The following CACNB2 variants were observed in gnomAD, a reference collection of about 807,000 sequenced individuals.
The protein encoded by CACNB2 is voltage-dependent L-type calcium channel subunit beta-2.
CACNB2 carries 42 observed loss-of-function variants against 73.3 expected under a neutral mutation model. That is an observed-to-expected ratio of 0.57 (90% CI 0.45 to 0.74). The LOEUF is 0.74. CACNB2 is among the 30% of genes least tolerant of loss of function. CACNB2 has a pLI of 0.00. For missense variants in CACNB2, 940 were observed against 853.0 expected, an observed-to-expected ratio of 1.10 and a Z score of -1.27; for synonymous variants, 348 against 310.3, an observed-to-expected ratio of 1.12 and a Z score of -1.28.
At chr10:18,306,437 A>G (rs1297542337) in intron 2 of CACNB2, among the ~76,000 whole-genome samples, 1 of 152,212 alleles carries the variant, frequency 6.6e-6, no homozygotes, top group Non-Finnish European at 1.5e-5. Context: ...GTGGTTAATG[A>G]CAAAAGATTT....
intron 2 of CACNB2, among the ~76,000 whole-genome samples, chr10:18,210,567 C>G (rs1481908860): frequency 6.6e-6 from 1 of 152,102 alleles, no homozygotes. Flanking sequence ...GGTTCTGCCA[C>G]TCTCCACCTG....
chr10:18,485,310 G>A (rs898273722), intron 3 of CACNB2, among the ~76,000 whole-genome samples: 2 of 152,126 alleles, frequency 1.3e-5, no homozygotes, highest in Non-Finnish European at 2.9e-5. Context: ...TAACTAGAAA[G>A]TAAGATATCA....
intron 5 of CACNB2, among the ~76,000 whole-genome samples, chr10:18,502,321 C>T (rs1377740684): frequency 6.9e-6 from 1 of 144,044 alleles, no homozygotes; most frequent in Admixed American, 6.9e-5. Flanking sequence ...AAAAAAAGAA[C>T]AAGATCATGT....
intron 2 of CACNB2, among the ~76,000 whole-genome samples, chr10:18,342,883 T>G (rs2041290712): frequency 6.6e-6 from 1 of 152,178 alleles, no homozygotes; most frequent in East Asian, 1.9e-4. Flanking sequence ...ATGGGATAGT[T>G]GTTTAGAATG....
chr10:18,489,461 A>G, intron 3 of CACNB2, among the ~76,000 whole-genome samples: 1 of 143,512 alleles, frequency 7.0e-6, no homozygotes. Context: ...TTTTTTTCAG[A>G]GAAAGGATCT....
chr10:18,339,507 C>G (rs1289076581), intron 2 of CACNB2, among the ~76,000 whole-genome samples: 2 of 152,076 alleles, frequency 1.3e-5, no homozygotes, highest in Non-Finnish European at 2.9e-5. Context: ...GGCAACACAG[C>G]AAGACTCCAT....
At chr10:18,434,745 C>T (rs550447369) in intron 3 of CACNB2, among the ~76,000 whole-genome samples, 3 of 152,072 alleles carry the variant, frequency 2.0e-5, no homozygotes, top group Admixed American at 2.0e-4. Flanking sequence ...GCTTGTATAG[C>T]TTATGCCTAA....
chr10:18,280,341 A>G (rs901539508), intron 2 of CACNB2, among the ~76,000 whole-genome samples: 2 of 152,192 alleles, frequency 1.3e-5, no homozygotes, highest in South Asian at 4.1e-4. Context: ...TATGAGCACT[A>G]TAAGAATCTT....
At chr10:18,341,096 T>C (rs1238019726) in intron 2 of CACNB2, 1 of 1,049,628 alleles carries the variant, frequency 9.5e-7, no homozygotes, top group African/African-American at 1.6e-5. Context: ...TTTTTAGACT[T>C]TCTTATCTTG....
chr10:18,202,469 C>T (rs572402353), intron 2 of CACNB2, among the ~76,000 whole-genome samples: 3 of 152,256 alleles, frequency 2.0e-5, no homozygotes, highest in Admixed American at 6.5e-5. Context: ...AAAATATCCT[C>T]GGTGTAAGTA....
At chr10:18,274,618 C>T (rs1045091113) in intron 2 of CACNB2, among the ~76,000 whole-genome samples, 10 of 151,838 alleles carry the variant, frequency 6.6e-5, no homozygotes, top group African/African-American at 2.4e-4. Flanking sequence ...ATTTTTTTTT[C>T]TCATATAGTA....
At chr10:18,513,714 G>C (rs1442607563) in intron 6 of CACNB2, 1 of 194,696 alleles carries the variant, frequency 5.1e-6, no homozygotes, top group Non-Finnish European at 1.1e-5. Flanking sequence ...CGCATAAAGC[G>C]AGAAATGCGC....
At chr10:18,220,220 TATATATATATATAGAGAG>T (rs1211482148) in intron 2 of CACNB2, among the ~76,000 whole-genome samples, 4 of 46,660 alleles carry the variant, frequency 8.6e-5, no homozygotes, top group African/African-American at 7.6e-4. Context: ...TATATATATA[TATATATATATATAGAGAG>T]AGAGAGAGAG....
intron 3 of CACNB2, among the ~76,000 whole-genome samples, chr10:18,434,904 A>T (rs973434101): frequency 1.3e-5 from 2 of 152,202 alleles, no homozygotes; most frequent in African/African-American, 4.8e-5. Context: ...AGAGAACGAG[A>T]ATATTAGAAG....
chr10:18,486,294 A>C (rs1393525089), intron 3 of CACNB2, among the ~76,000 whole-genome samples: 1 of 152,224 alleles, frequency 6.6e-6, no homozygotes, highest in Non-Finnish European at 1.5e-5. Context: ...CTATTAACTC[A>C]TTAGTCATTG....
intron 4 of CACNB2, among the ~76,000 whole-genome samples, chr10:18,500,283 C>T (rs549634092): frequency 6.6e-6 from 1 of 152,192 alleles, no homozygotes; most frequent in South Asian, 2.1e-4. Flanking sequence ...ATTCCACCTG[C>T]AAGACATAAA....
intron 2 of CACNB2, among the ~76,000 whole-genome samples, chr10:18,371,330 A>G (rs1054718815): frequency 2.0e-5 from 3 of 152,038 alleles, no homozygotes; most frequent in Non-Finnish European, 4.4e-5. Context: ...AACATTAGGT[A>G]TATCTCCTAA....
At chr10:18,381,777 G>A (rs777582792) in intron 2 of CACNB2, among the ~76,000 whole-genome samples, 2 of 151,742 alleles carry the variant, frequency 1.3e-5, no homozygotes, top group Non-Finnish European at 2.9e-5. Flanking sequence ...ATTAATGAGT[G>A]TTGTGTTCGT....
chr10:18,149,626 A>G (rs11012812), intron 1 of CACNB2, among the ~76,000 whole-genome samples: 16,837 of 152,270 alleles, frequency 0.11, 1,026 homozygotes, highest in East Asian at 0.25. Context: ...ATATTATGGC[A>G]GATATTTTAA....
Sources: allele counts gnomAD v4.1 joint callset (sites outside exome capture counted in the v4.1 genomes callset), GRCh38; gene constraint gnomAD v4.1.1; transcripts MANE v1.5; gene names NCBI Gene and HGNC (gene_info 2026-07-23, HGNC 2026-07-21).